The following FAAP100 variants were observed in gnomAD, a reference collection of about 807,000 sequenced individuals.
FAAP100 encodes Fanconi anemia core complex-associated protein 100.
A neutral mutation model predicts 65.8 loss-of-function variants in FAAP100; 46 were observed. The ratio of observed to expected loss-of-function variants is 0.70; its 90% CI spans 0.55 to 0.89. The LOEUF (loss-of-function observed/expected upper bound fraction) is 0.89, where lower values mean the gene tolerates loss of function less well. FAAP100 is among the 40% of genes least tolerant of loss of function. The probability of loss-of-function intolerance (pLI) is 0.00; values close to 1 mark genes in which losing one functional copy is unlikely to be tolerated. For synonymous variants in FAAP100, 663 were observed against 555.1 expected (o/e 1.19, Z -2.73); for missense variants, 1,165 against 1,196.7 (o/e 0.97, Z 0.39).
intron 2 of FAAP100, among the ~76,000 whole-genome samples, 176 bp from the exon 3 acceptor site, chr17:81,551,379 CAAG>C (rs1194361354): frequency 6.6e-6 from 1 of 152,240 alleles, no homozygotes; most frequent in Admixed American, 6.5e-5. Context: ...ATACTCTTGA[CAAG>C]AAGTACCAGG....
At position 81,547,015 on chromosome 17, in the gene FAAP100, C is replaced by T. The variant is rs369611604; in HGVS notation, c.2067G>A (p.Gln689=). ...CCCGCAGGGAGGCGGGTCCTGCTGG[C>T]TGGCTGCCAGGCTCCCGACAAGTTT... ...FLETCREPGS[Q]PAGPASLRAE... is the part of the protein sequence containing the mutation. The change falls in exon 5 of 9, where the codon CAG becomes CAA. Residue 689 remains glutamine (Q), a synonymous_variant. Coordinates refer to ENST00000327787, the MANE Select transcript of FAAP100 (RefSeq NM_025161.6). The T allele has an allele frequency of 4.5e-6, 7 of 1,538,618 alleles. No homozygotes were observed. Among genetic ancestry groups the T allele is most frequent in the Non-Finnish European group, 6.1e-6 (7 of 1,143,270 alleles).
At chr17:81,551,848 G>C in intron 2 of FAAP100, 80 bp downstream of exon 2, 1 of 1,412,220 alleles carries the variant, frequency 7.1e-7, no homozygotes, top group South Asian at 1.5e-5. Context: ...CCCCAAGCGC[G>C]ATGAGGTGGG....
rs2033461592 is a variant in FAAP100 at position 81,550,770 on chromosome 17, G to A, written c.724C>T (p.Leu242Phe). The change falls in exon 3 of 9, where the codon CTC (leucine) becomes TTC (phenylalanine). Residue 242 changes from leucine (L) to phenylalanine (F), a missense_variant. Physicochemically the swap from Leu to Phe is conservative, Grantham distance 22. Transcript: ENST00000327787. ...AGCTGGCCATCAGGGAGACCACAGAGGACCACAGGTGACTGCAGGAGGGTG... is the reference window on the plus strand; with the variant it reads ...AGCTGGCCATCAGGGAGACCACAGAAGACCACAGGTGACTGCAGGAGGGTG... ...DATLLQSPVV[L>F]CGLPDGQLCC... The A allele has an allele frequency of 3.1e-6, 5 of 1,612,522 alleles. No individual in the cohort carries two copies. Among genetic ancestry groups the A allele is most frequent in the Non-Finnish European group, 4.2e-6 (5 of 1,179,812 alleles).
At chr17:81,544,213 C>A in intron 6 of FAAP100, 93 bp from the exon 7 acceptor site, 1 of 1,031,842 alleles carries the variant, frequency 9.7e-7, no homozygotes, top group Non-Finnish European at 1.5e-6. Context: ...GCTGGCAGCA[C>A]GTGAGGCCCT....
At chr17:81,542,373 G>A (rs913298104) in intron 7 of FAAP100, among the ~76,000 whole-genome samples, 5 of 151,494 alleles carry the variant, frequency 3.3e-5, no homozygotes, top group Admixed American at 6.6e-5. Flanking sequence ...GACAGAGCCA[G>A]AGCTCTATCT....
At position 81,546,950 on chromosome 17, in the gene FAAP100, G is replaced by C. The variant is rs1158143960; in HGVS notation, c.2132C>G (p.Ser711Trp). Residue 711 changes from serine to tryptophan, a missense_variant, in exon 5 of 9, where the codon TCG becomes TGG. Transcript: ENST00000327787. ...LPPSVASIKV[S>W]AELLRAALKD... is the part of the protein sequence containing the mutation. ...CAAGGCAGCTCTGAGCAGCTCCGCC[G>C]ACACCTTGATGGAAGCCACAGATGG... 6.8e-7 allele frequency: 1 copy of C among 1,460,376 alleles called. No homozygotes were observed. Among genetic ancestry groups the C allele is most frequent in the Non-Finnish European group, 9.1e-7 (1 of 1,102,864 alleles). 90.5% of individuals were successfully genotyped at this position (1,460,376 alleles called of 1,614,324 possible).
Position 81,540,760 on chromosome 17 carries a change from TG to T in FAAP100, c.*58del, listed in dbSNP as rs968344742. Reference sequence around the variant, plus strand: ...CGGTTTCCCTCTAACCCATGAGGCCTGGGGGGGCTGTGACAGAGGCTGGAAG... The same window carrying T: ...CGGTTTCCCTCTAACCCATGAGGCCTGGGGGGCTGTGACAGAGGCTGGAAG... On this transcript the variant is annotated 3_prime_UTR_variant, in exon 9 of 9. Transcript: ENST00000327787. The T allele has an allele frequency of 2.3e-5, 33 of 1,453,176 alleles. No individual in the cohort carries two copies. In the Admixed American group the frequency reaches 3.2e-4, roughly 14 times the overall value. 90.0% of individuals were successfully genotyped at this position (1,453,176 alleles called of 1,614,324 possible).
At chr17:81,542,786 A>C (rs932418174) in intron 7 of FAAP100, among the ~76,000 whole-genome samples, 1 of 152,234 alleles carries the variant, frequency 6.6e-6, no homozygotes, top group Non-Finnish European at 1.5e-5. Flanking sequence ...ACCCCACACG[A>C]CTGTGTCCTT....
intron 8 of FAAP100, 73 bp downstream of exon 8, chr17:81,541,236 T>TGG: frequency 6.8e-7 from 1 of 1,468,082 alleles, no homozygotes; most frequent in South Asian, 1.2e-5. Context: ...CCCGAGTGAC[T>TGG]AGAGGGGGGC....
At chr17:81,543,248 G>A in intron 7 of FAAP100, among the ~76,000 whole-genome samples, 1 of 152,184 alleles carries the variant, frequency 6.6e-6, no homozygotes, top group East Asian at 1.9e-4. Flanking sequence ...TGCAGGCCCT[G>A]GGTCTCAGGG....
At chr17:81,547,762 C>G (rs763413649) in intron 4 of FAAP100, 84 bp from the exon 5 acceptor site, 1 of 1,493,442 alleles carries the variant, frequency 6.7e-7, no homozygotes, top group Admixed American at 1.7e-5. Flanking sequence ...CTGGTAGGCA[C>G]CGAGCCTGGC....
At chr17:81,543,880 G>A in intron 7 of FAAP100, 124 bp downstream of exon 7, 1 of 887,308 alleles carries the variant, frequency 1.1e-6, no homozygotes, top group Non-Finnish European at 1.7e-6. Context: ...AGCAGACTTG[G>A]ATCTTCCTAC....
intron 7 of FAAP100, 114 bp downstream of exon 7, chr17:81,543,890 C>T: frequency 2.1e-6 from 2 of 968,394 alleles, no homozygotes; most frequent in Non-Finnish European, 3.1e-6. Context: ...GATCTTCCTA[C>T]AACTCCCTTG....
At chr17:81,544,205 T>C in intron 6 of FAAP100, 85 bp from the exon 7 acceptor site, 1 of 1,117,290 alleles carries the variant, frequency 9.0e-7, no homozygotes, top group Non-Finnish European at 1.3e-6. Flanking sequence ...CCTCCCCAGC[T>C]GGCAGCACGT....
intron 8 of FAAP100, 75 bp downstream of exon 8, chr17:81,541,234 A>C: frequency 1.4e-6 from 2 of 1,461,230 alleles, no homozygotes; most frequent in Non-Finnish European, 1.9e-6. Flanking sequence ...ACCCCGAGTG[A>C]CTAGAGGGGG....
rs146931045 is a variant in FAAP100, at chr17:81,550,657, C to T, written c.837G>A (p.Glu279=). 23 of 1,613,074 alleles carry T rather than the reference C, an allele frequency of 1.4e-5. No homozygotes were observed. In the African/African-American group the frequency reaches 2.9e-4, roughly 21 times the overall value. ...AGGCCCCTATGAAGATGACGGGCTC[C>T]TCCAGGTGATGGAGGATCTTGACAA... ...NALVKILHHL[E]EPVIFIGALK... The change falls in exon 3 of 9, where the codon GAG becomes GAA. Residue 279 remains glutamate, a synonymous_variant. Transcript: ENST00000327787.
intron 7 of FAAP100, among the ~76,000 whole-genome samples, chr17:81,542,785 G>T (rs190794948): frequency 2.0e-5 from 3 of 152,354 alleles, no homozygotes; most frequent in African/African-American, 7.2e-5. Flanking sequence ...GACCCCACAC[G>T]ACTGTGTCCT....
In FAAP100 at chr17:81,547,246, C is replaced by A. The variant is rs1439415204; in HGVS notation, c.1836G>T (p.Gly612=). ...LFYSLREVVG[G]ALAPSDSEDP... Reference sequence around the variant, plus strand: ...CCTCAGAGTCTGAGGGGGCAAGGGCCCCGCCCACCACCTCCCTGAGACTGT... The same window carrying A: ...CCTCAGAGTCTGAGGGGGCAAGGGCACCGCCCACCACCTCCCTGAGACTGT... The change falls in exon 5 of 9, where the codon GGG becomes GGT. Residue 612 remains glycine, a synonymous_variant. Transcript: ENST00000327787. The A allele has an allele frequency of 6.3e-7, 1 of 1,591,610 alleles. No individual in the cohort carries two copies. The highest frequency in any genetic ancestry group is 8.6e-7 in the Non-Finnish European group (1 of 1,166,090).
chr17:81,551,963 G>C lies in FAAP100; in HGVS notation c.255C>G (p.Leu85=). The C allele has an allele frequency of 1.9e-6, 3 of 1,565,378 alleles. No homozygotes were observed. The highest frequency in any genetic ancestry group is 1.4e-5 in the African/African-American group (1 of 72,300). Residue 85 remains leucine (L), a synonymous_variant, in exon 2 of 9, where the codon CTC becomes CTG. Coordinates refer to ENST00000327787, the MANE Select transcript of FAAP100 (RefSeq NM_025161.6). ...CCGGGTGGTCCAGCGACAGGCAGTA[G>C]AGGCCCCTCCGGGCGCACAGCGCGT... The part of the protein sequence containing the change: ...LLYALCARRG[L]YCLSLDHPGR...
Sources: allele counts gnomAD v4.1 joint callset (sites outside exome capture counted in the v4.1 genomes callset), GRCh38; gene constraint gnomAD v4.1.1; transcripts MANE v1.5; gene names NCBI Gene and HGNC (gene_info 2026-07-23, HGNC 2026-07-21).